EXOC3L2: variants seen among roughly 807,000 people sequenced by gnomAD.
EXOC3L2 encodes exocyst complex component 3 like 2.
Under a neutral mutation model 44.4 loss-of-function variants are expected in EXOC3L2, and 17 were observed. The observed-to-expected ratio is 0.38, with a 90% CI of 0.26 to 0.57. EXOC3L2 has a LOEUF of 0.57. EXOC3L2 is among the 20% of genes least tolerant of loss of function. The probability of loss-of-function intolerance (pLI) is 0.65; values close to 1 mark genes in which losing one functional copy is unlikely to be tolerated. For synonymous variants in EXOC3L2, 256 were observed against 253.7 expected (o/e 1.01, Z -0.09); for missense variants, 541 against 588.4 (o/e 0.92, Z 0.83).
chr19:45,225,584 T>C (rs937444560), intron 7 of EXOC3L2, among the ~76,000 whole-genome samples: 22 of 148,104 alleles, frequency 1.5e-4, no homozygotes, highest in African/African-American at 5.5e-4. Context: ...GGGGTTCTAA[T>C]GGTCTACAGC....
chr19:45,226,463 G>A lies in EXOC3L2; in HGVS notation c.1583+1199C>T, dbSNP rs150954143. ...TTTATTTTCTTTTTTTTGAGATGGA[G>A]TCTCGCTCTGTCACCCAGGCTGCAG... On this transcript the variant is annotated intron_variant, in intron 7 of 11. Coordinates refer to ENST00000413988, the MANE Select transcript of EXOC3L2 (RefSeq NM_001382422.1). Among the ~76,000 whole-genome samples the A allele has an allele frequency of 6.2e-3, 941 of 152,138 alleles. 11 individuals are homozygous for A. The highest frequency in any genetic ancestry group is 0.021 in the African/African-American group (884 of 41,496).
chr19:45,234,861 G>T lies in EXOC3L2; in HGVS notation c.524-35C>A. On this transcript the variant is annotated intron_variant, in intron 2 of 11. Coordinates refer to ENST00000413988, the MANE Select transcript of EXOC3L2 (RefSeq NM_001382422.1). The surrounding 1 kb of genome is among the most constrained non-coding windows in gnomAD (Gnocchi z 5.0). The stretch of plus-strand genomic sequence containing the variant: ...CAAAGCGGGAGGTCAGCAGTGCGCG[G>T]GGGGGAGGAGGGCGATGCCGGACGC... The T allele has an allele frequency of 7.7e-6, 3 of 389,560 alleles. No homozygotes were observed. The highest frequency in any genetic ancestry group is 1.4e-5 in the Non-Finnish European group (3 of 220,040). 24.1% of individuals were successfully genotyped at this position (389,560 alleles called of 1,614,324 possible). A position where few individuals can be genotyped will look rare whatever the true frequency, so the allele number is the denominator to read the frequency against.
Position 45,218,236 on chromosome 19 carries a change from C to G in EXOC3L2, c.1803G>C (p.Gln601His). The G allele has an allele frequency of 1.2e-6, 2 of 1,604,330 alleles. No individual in the cohort carries two copies. The highest frequency in any genetic ancestry group is 2.1e-4 in the Middle Eastern group (1 of 4,874). ...CCTGCATTCTGCGCAGGGCCAGGGC[C>G]TGGGCACCCAGCGTGCCCACGATGC... ...LDGIVGTLGA[Q>H]ALALRRMQDE... Residue 601 changes from glutamine (Q) to histidine (H), a missense_variant, in exon 9 of 12, where the codon CAG (glutamine) becomes CAC (histidine). By Grantham distance (24) the Gln-to-His change is conservative. Transcript: ENST00000413988.
chr19:45,233,216 A>AAAATAAAT (rs370700043), intron 3 of EXOC3L2, among the ~76,000 whole-genome samples: 23 of 151,930 alleles, frequency 1.5e-4, no homozygotes, highest in African/African-American at 5.1e-4. Flanking sequence ...ACTCCGTCTC[A>AAAATAAAT]AAATAAATAA....
In EXOC3L2 at chr19:45,234,389, C is replaced by T. The variant is rs1398487006; in HGVS notation, c.961G>A (p.Ala321Thr). The change falls in exon 3 of 12, where the codon GCG (alanine) becomes ACG (threonine). Residue 321 changes from alanine to threonine, a missense_variant. Ala to Thr is a moderately conservative substitution (Grantham distance 58). Coordinates refer to ENST00000413988, the MANE Select transcript of EXOC3L2 (RefSeq NM_001382422.1). The surrounding 1 kb of genome is among the most constrained non-coding windows in gnomAD (Gnocchi z 5.0). ...ACGGCCATATCCTCCAGCAGCCGCG[C>T]CCGCAGCGCCTCCAGCTGCCCGGCC... ...GLAGQLEALR[A>T]RLLEDMAVVR... The T allele has an allele frequency of 3.0e-6, 1 of 328,728 alleles. No homozygotes were observed. Among genetic ancestry groups the T allele is most frequent in the Non-Finnish European group, 5.5e-6 (1 of 181,094 alleles). 20.4% of individuals were successfully genotyped at this position (328,728 alleles called of 1,614,324 possible).
chr19:45,230,343 A>T (rs888332323), intron 4 of EXOC3L2, among the ~76,000 whole-genome samples: 5 of 151,996 alleles, frequency 3.3e-5, no homozygotes, highest in African/African-American at 9.7e-5. Flanking sequence ...CTCAGCCTCC[A>T]GAGTAGCTGG....
rs1026885638 is a variant in EXOC3L2, at chr19:45,216,181, G to A, written c.2012C>T (p.Ser671Leu). 8.7e-6 allele frequency: 14 copies of A among 1,613,648 alleles called. No homozygotes were observed. The highest frequency in any genetic ancestry group is 2.2e-5 in the East Asian group (1 of 44,884). The change falls in exon 11 of 12, where the codon TCG becomes TTG. Residue 671 changes from serine (S) to leucine (L), a missense_variant. Transcript: ENST00000413988. ...RLFRRLESQASWLDAVVPHLA... is the reference protein window; with the variant it reads ...RLFRRLESQALWLDAVVPHLA... The stretch of plus-strand genomic sequence containing the variant: ...ATGGGGCACCACGGCATCCAGCCAC[G>A]AGGCCTGGGACTCCTGCAGGGGAGG...
chr19:45,221,951 GCT>G (rs1359342236), intron 8 of EXOC3L2, among the ~76,000 whole-genome samples: 1 of 149,874 alleles, frequency 6.7e-6, no homozygotes, highest in East Asian at 2.0e-4. Context: ...CGCCCGGCCA[GCT>G]CTGTTTTCTG....
chr19:45,222,748 AC>A (rs1302149043), intron 8 of EXOC3L2, among the ~76,000 whole-genome samples: 1 of 152,206 alleles, frequency 6.6e-6, no homozygotes, highest in Non-Finnish European at 1.5e-5. Context: ...TTTAACAAAA[AC>A]AAAAAAGCAA....
Position 45,238,888 on chromosome 19 carries a change from C to T in EXOC3L2, c.158G>A (p.Arg53His), listed in dbSNP as rs536751739. The T allele has an allele frequency of 7.5e-5, 30 of 399,218 alleles. No homozygotes were observed. The highest frequency in any genetic ancestry group is 1.1e-4 in the East Asian group (3 of 28,070). 24.7% of individuals were successfully genotyped at this position (399,218 alleles called of 1,614,324 possible). The change falls in exon 2 of 12, where the codon CGC becomes CAC. Residue 53 changes from arginine to histidine, a missense_variant. Physicochemically the swap from Arg to His is conservative, Grantham distance 29. Transcript: ENST00000413988. The surrounding 1 kb of genome is among the most constrained non-coding windows in gnomAD (Gnocchi z 5.5). ...AAGCTTCTCCAGGGTGGCGCGGCGGCGACAAGATGTTCCATTGGGGAGGGA... is the reference window on the plus strand; with the variant it reads ...AAGCTTCTCCAGGGTGGCGCGGCGGTGACAAGATGTTCCATTGGGGAGGGA... ...LGSLPNGTSC[R>H]RRATLEKLAG...
intron 2 of EXOC3L2, among the ~76,000 whole-genome samples, chr19:45,236,862 A>G (rs183850217): frequency 2.0e-5 from 3 of 151,918 alleles, no homozygotes; most frequent in African/African-American, 7.2e-5. Flanking sequence ...TTAGCCAGGC[A>G]TGGATGGTGA....
chr19:45,225,046 A>C, intron 7 of EXOC3L2, 133 bp from the exon 8 acceptor site: 2 of 1,187,666 alleles, frequency 1.7e-6, no homozygotes, highest in Non-Finnish European at 1.1e-6. Context: ...AAGGTCAGGG[A>C]CTCTGGAGAG....
At chr19:45,218,158 T>TACCCCCCCCCCCCCC in intron 9 of EXOC3L2, 39 bp downstream of exon 9, 2 of 1,034,904 alleles carry the variant, frequency 1.9e-6, no homozygotes, top group Non-Finnish European at 2.7e-6. Context: ...TCCCCTCTTT[T>TACCCCCCCCCCCCCC]CCCCCACCCC....
At chr19:45,229,399 ATG>A (rs1022522102) in intron 4 of EXOC3L2, among the ~76,000 whole-genome samples, 12 of 143,550 alleles carry the variant, frequency 8.4e-5, no homozygotes, top group Non-Finnish European at 1.5e-4. Flanking sequence ...AAGCTATATA[ATG>A]TGTATATTAA....
At chr19:45,241,903 G>T (rs1970134637) in intron 1 of EXOC3L2, among the ~76,000 whole-genome samples, 1 of 152,210 alleles carries the variant, frequency 6.6e-6, no homozygotes, top group Non-Finnish European at 1.5e-5. Context: ...CAGGGCTGGG[G>T]CTGTCTCAGT....
chr19:45,217,597 C>G lies in EXOC3L2; in HGVS notation c.1929G>C (p.Arg643=), dbSNP rs1359435698. 3.3e-6 allele frequency: 5 copies of G among 1,526,514 alleles called. No homozygotes were observed. In the East Asian group the frequency reaches 1.0e-4, roughly 31 times the overall value. The allele number at this position is 1,526,514 out of a possible 1,614,324, so 94.6% of individuals were successfully genotyped here. ...LRGRLRCSSA[R]TRSRVAGRLR... The stretch of plus-strand genomic sequence containing the variant: ...GCCTGCCGGCCACGCGGCTGCGGGT[C>G]CGCGCCGAGCTGCAGCGCAGGCGCC... Residue 643 remains arginine (R), a synonymous_variant, in exon 10 of 12, where the codon CGG becomes CGC. Transcript: ENST00000413988.
chr19:45,235,892 C>T (rs982751109), intron 2 of EXOC3L2, among the ~76,000 whole-genome samples: 31 of 152,014 alleles, frequency 2.0e-4, no homozygotes, highest in Admixed American at 3.3e-4. Context: ...GTTCGGGCCT[C>T]GGGGCTAAAA....
intron 7 of EXOC3L2, 76 bp from the exon 8 acceptor site, chr19:45,224,989 G>A: frequency 7.0e-7 from 1 of 1,426,546 alleles, no homozygotes; most frequent in Non-Finnish European, 9.2e-7. Flanking sequence ...CTTCCCTTAG[G>A]TAGATCAGAG....
At chr19:45,217,502 A>AC in intron 10 of EXOC3L2, 26 bp downstream of exon 10, 1 of 1,543,904 alleles carries the variant, frequency 6.5e-7, no homozygotes, top group Admixed American at 2.0e-5. Context: ...TTTCTGAAAC[A>AC]CCCCCAACCG....
Sources: allele counts gnomAD v4.1 joint callset (sites outside exome capture counted in the v4.1 genomes callset), GRCh38; gene constraint gnomAD v4.1.1; non-coding constraint Gnocchi (gnomAD v3.1); transcripts MANE v1.5; gene names NCBI Gene and HGNC (gene_info 2026-07-23, HGNC 2026-07-21).